ATF2: variants seen among roughly 807,000 people sequenced by gnomAD.
ATF2 encodes the protein activating transcription factor 2, also known as cyclic AMP-dependent transcription factor ATF-2.
In ATF2, 24 loss-of-function variants were observed where a neutral mutation model predicts 60.6. The ratio of observed to expected loss-of-function variants is 0.40; its 90% CI spans 0.29 to 0.56. The LOEUF is 0.56. Among genes scored for constraint, ATF2 ranks in the 20% least tolerant of loss-of-function variants. The pLI, the probability that ATF2 is intolerant of heterozygous loss-of-function variation, is 0.54. For missense variants in ATF2, 433 were observed against 607.7 expected, an observed-to-expected ratio of 0.71 and a Z score of 3.02; for synonymous variants, 206 against 215.4, an observed-to-expected ratio of 0.96 and a Z score of 0.38.
intron 1 of ATF2, among the ~76,000 whole-genome samples, chr2:175,154,774 T>C (rs1371831286): frequency 6.6e-6 from 1 of 152,234 alleles, no homozygotes; most frequent in Non-Finnish European, 1.5e-5. Context: ...ATGGCTATAT[T>C]TGGATATCAC....
intron 3 of ATF2, among the ~76,000 whole-genome samples, chr2:175,131,790 T>C (rs1451827821): frequency 4.6e-5 from 7 of 152,170 alleles, no homozygotes; most frequent in African/African-American, 1.7e-4. Flanking sequence ...CAGGATCCTC[T>C]ACACTCTTAA....
chr2:175,154,020 G>C (rs1699493673), intron 1 of ATF2, among the ~76,000 whole-genome samples: 1 of 151,456 alleles, frequency 6.6e-6, no homozygotes, highest in Non-Finnish European at 1.5e-5. Flanking sequence ...AGGAGTTCAA[G>C]ACCAGCGTGA....
chr2:175,091,665 C>A (rs996806094), intron 12 of ATF2, among the ~76,000 whole-genome samples: 32 of 151,884 alleles, frequency 2.1e-4, no homozygotes, highest in Non-Finnish European at 4.3e-4. Context: ...GAGTTCGAGA[C>A]CAGCCTGGCC....
chr2:175,156,274 G>T (rs1038607937), intron 1 of ATF2, among the ~76,000 whole-genome samples: 31 of 151,000 alleles, frequency 2.1e-4, no homozygotes, highest in African/African-American at 7.6e-4. Context: ...GGGAGGCTGA[G>T]GCAGGAAAAT....
In ATF2 at chr2:175,161,045, C is replaced by G. The variant is rs1329977331; in HGVS notation, c.-143+7005G>C. On this transcript the variant is annotated intron_variant, in intron 1 of 13. Transcript: ENST00000264110. ...AGAGTAAGACTTTGTCTCAAAAATACAAAGATAATTGGATTTTATGAAAAT... is the reference window on the plus strand; with the variant it reads ...AGAGTAAGACTTTGTCTCAAAAATAGAAAGATAATTGGATTTTATGAAAAT... 3.9e-5 allele frequency among the ~76,000 whole-genome samples: 6 copies of G among 151,962 alleles called. No homozygotes were observed. The East Asian group carries it at 9.6e-4, about 24-fold the overall frequency.
At chr2:175,092,421 C>A in intron 12 of ATF2, 1 of 164,842 alleles carries the variant, frequency 6.1e-6, no homozygotes, top group Non-Finnish European at 1.4e-5. Flanking sequence ...GGAAGAAAAA[C>A]AAAGGAAACA....
In ATF2 at chr2:175,115,583, T is replaced by C. The variant is rs12988891; in HGVS notation, c.448-715A>G. ...ACTCCTTAAATAGTCAGTGTAAAAATTGGGTCTATGGTGTTTTATGAATTG... is the reference window on the plus strand; with the variant it reads ...ACTCCTTAAATAGTCAGTGTAAAAACTGGGTCTATGGTGTTTTATGAATTG... On this transcript the variant is annotated intron_variant, in intron 7 of 13. Transcript: ENST00000264110. 1.3e-3 allele frequency among the ~76,000 whole-genome samples: 200 copies of C among 152,232 alleles called. 2 individuals carry two copies. The highest frequency in any genetic ancestry group is 0.011 in the South Asian group (52 of 4,828).
chr2:175,108,128 C>G (rs1226570507), intron 10 of ATF2, among the ~76,000 whole-genome samples: 1 of 152,032 alleles, frequency 6.6e-6, no homozygotes, highest in East Asian at 1.9e-4. Flanking sequence ...TGAGGAGCGT[C>G]TCTGCCCAGC....
chr2:175,118,706 T>C (rs995157517), intron 5 of ATF2, among the ~76,000 whole-genome samples: 3 of 151,660 alleles, frequency 2.0e-5, no homozygotes, highest in African/African-American at 7.2e-5. Context: ...TAAATTTACA[T>C]TATTAAAAAC....
At chr2:175,165,923 C>G (rs1334797248) in intron 1 of ATF2, among the ~76,000 whole-genome samples, 1 of 152,174 alleles carries the variant, frequency 6.6e-6, no homozygotes, top group Non-Finnish European at 1.5e-5. Flanking sequence ...CTCGGCCTCA[C>G]GAAGTGCTGG....
chr2:175,111,072 T>C (rs997099864), intron 10 of ATF2, among the ~76,000 whole-genome samples: 5 of 152,184 alleles, frequency 3.3e-5, no homozygotes, highest in African/African-American at 1.2e-4. Context: ...TTAAAGGTAG[T>C]GAATAGTGGA....
intron 5 of ATF2, among the ~76,000 whole-genome samples, chr2:175,120,298 C>CA (rs1198646844): frequency 3.5e-3 from 471 of 134,176 alleles, no homozygotes; most frequent in South Asian, 0.012. Context: ...TAAAATACTC[C>CA]AAAAAAAAAA....
At chr2:175,153,548 G>A (rs1699448051) in intron 1 of ATF2, among the ~76,000 whole-genome samples, 2 of 152,128 alleles carry the variant, frequency 1.3e-5, no homozygotes, top group African/African-American at 4.8e-5. Flanking sequence ...TAGGCTGGGT[G>A]CTGTGGCTCA....
intron 10 of ATF2, among the ~76,000 whole-genome samples, chr2:175,103,882 C>A (rs1695468274): frequency 6.6e-6 from 1 of 152,092 alleles, no homozygotes; most frequent in Admixed American, 6.6e-5. Flanking sequence ...TTAGTGACAA[C>A]TAGTCTAATT....
At chr2:175,145,939 A>G (rs549677339) in intron 2 of ATF2, among the ~76,000 whole-genome samples, 45 of 152,324 alleles carry the variant, frequency 3.0e-4, no homozygotes, top group African/African-American at 1.1e-3. Context: ...ATATCATCTC[A>G]AAGTATTATA....
chr2:175,098,068 C>T (rs926583961), intron 10 of ATF2, among the ~76,000 whole-genome samples: 1 of 152,186 alleles, frequency 6.6e-6, no homozygotes, highest in African/African-American at 2.4e-5. Flanking sequence ...GCTTATTATG[C>T]TATCAATAAA....
At chr2:175,090,719 C>T (rs1694485588) in intron 12 of ATF2, among the ~76,000 whole-genome samples, 1 of 151,976 alleles carries the variant, frequency 6.6e-6, no homozygotes, top group Non-Finnish European at 1.5e-5. Flanking sequence ...CTAAATTTAG[C>T]TTTCATTTAA....
chr2:175,127,457 C>G (rs1028309725), intron 4 of ATF2, among the ~76,000 whole-genome samples: 3 of 152,124 alleles, frequency 2.0e-5, no homozygotes, highest in Admixed American at 6.5e-5. Flanking sequence ...ACACCTAATT[C>G]AAACCACCAT....
At chr2:175,144,834 C>A (rs1432344823) in intron 2 of ATF2, among the ~76,000 whole-genome samples, 1 of 152,198 alleles carries the variant, frequency 6.6e-6, no homozygotes, top group African/African-American at 2.4e-5. Context: ...AGGAGTGGCA[C>A]TAGTCCAGCA....
Sources: gnomAD v4.1 joint callset for allele counts (sites outside exome capture counted in the v4.1 genomes callset) on GRCh38, gnomAD v4.1.1 for gene constraint, MANE v1.5 for transcripts, NCBI Gene and HGNC (gene_info 2026-07-23, HGNC 2026-07-21) for gene names.